Variants in BRAF observed in about 807,000 individuals in gnomAD.
BRAF encodes the protein serine/threonine-protein kinase B-raf.
In BRAF, 16 loss-of-function variants were observed where a neutral mutation model predicts 104.6. The observed-to-expected ratio is 0.15, with a 90% CI of 0.10 to 0.23. The LOEUF is 0.23. BRAF is among the 10% of genes least tolerant of loss of function. BRAF has a pLI of 1.00. For synonymous variants in BRAF, 310 were observed against 341.6 expected, an observed-to-expected ratio of 0.91 and a Z score of 1.02; for missense variants, 541 against 937.3, an observed-to-expected ratio of 0.58 and a Z score of 5.52.
At chr7:140,834,262 T>G in intron 3 of BRAF, 1 of 401,106 alleles carries the variant, frequency 2.5e-6, no homozygotes, top group Non-Finnish European at 4.5e-6. Flanking sequence ...AGAAAGGAGA[T>G]TTCTCAAGGG....
At chr7:140,908,158 T>C (rs1187151989) in intron 1 of BRAF, among the ~76,000 whole-genome samples, 1 of 152,216 alleles carries the variant, frequency 6.6e-6, no homozygotes. Flanking sequence ...ATTTTATAGA[T>C]CTGTTTCTGC....
chr7:140,883,490 T>C (rs1048378868), intron 1 of BRAF, among the ~76,000 whole-genome samples: 8 of 152,258 alleles, frequency 5.3e-5, no homozygotes, highest in African/African-American at 1.9e-4. Flanking sequence ...TGTGAGGCAC[T>C]GCTGTAGTGC....
chr7:140,910,275 T>C (rs1816819950), intron 1 of BRAF, among the ~76,000 whole-genome samples: 1 of 152,238 alleles, frequency 6.6e-6, no homozygotes, highest in African/African-American at 2.4e-5. Flanking sequence ...TTGCAAATTC[T>C]ATTCCCACTG....
intron 19 of BRAF, among the ~76,000 whole-genome samples, chr7:140,727,332 C>T (rs1052886964): frequency 1.8e-4 from 27 of 151,602 alleles, no homozygotes; most frequent in Admixed American, 1.1e-3. Context: ...TACAGGCATC[C>T]GCCACCAGGC....
chr7:140,724,741 T>C lies in BRAF; in HGVS notation c.*1753A>G, dbSNP rs1030766978. On this transcript the variant is annotated 3_prime_UTR_variant, in exon 20 of 20. Transcript: ENST00000644969. Reference sequence around the variant, plus strand: ...CAATTTCTAATTCCTTGATTTATTCTGGGTCTTGTTTAATTTCTTTCAAGT... The same window carrying C: ...CAATTTCTAATTCCTTGATTTATTCCGGGTCTTGTTTAATTTCTTTCAAGT... The C allele has an allele frequency of 5.8e-6, 6 of 1,033,952 alleles. No homozygotes were observed. The African/African-American group carries it at 1.0e-4, about 17-fold the overall frequency. 64.0% of individuals were successfully genotyped at this position (1,033,952 alleles called of 1,614,324 possible). A position where few individuals can be genotyped will look rare whatever the true frequency, so the allele number is the denominator to read the frequency against.
intron 2 of BRAF, among the ~76,000 whole-genome samples, chr7:140,847,627 G>C (rs537342340): frequency 6.6e-6 from 1 of 151,744 alleles, no homozygotes; most frequent in Non-Finnish European, 1.5e-5. Flanking sequence ...CCAAGGCCTA[G>C]AGCAGTACAA....
chr7:140,895,806 C>T (rs939457347), intron 1 of BRAF, among the ~76,000 whole-genome samples: 9 of 152,196 alleles, frequency 5.9e-5, no homozygotes, highest in Non-Finnish European at 1.0e-4. Context: ...TATACAACCA[C>T]ATTGTCTTTA....
At chr7:140,739,431 G>A (rs2130895554) in intron 18 of BRAF, among the ~76,000 whole-genome samples, 1 of 147,932 alleles carries the variant, frequency 6.8e-6, no homozygotes, top group East Asian at 2.0e-4. Flanking sequence ...TTAACATATT[G>A]GTTTACTATG....
At chr7:140,741,114 A>G (rs772535390) in intron 17 of BRAF, 4 of 152,188 alleles carry the variant, frequency 2.6e-5, no homozygotes, top group Admixed American at 1.3e-4. Flanking sequence ...CTATAGTCAT[A>G]TATTATGGAC....
chr7:140,785,726 T>C lies in BRAF; in HGVS notation c.1260A>G (p.Glu420=). The change falls in exon 10 of 20, where the codon GAA becomes GAG. Residue 420 remains glutamate, a synonymous_variant. Transcript: ENST00000644969. ...GGCCAGGCTCAAAATCAAACACTAT[T>C]TCACTGGGGACAGAATGTAGGAGGG... ...PSPLLHSVPS[E]IVFDFEPGPV... The C allele has an allele frequency of 2.5e-6, 1 of 399,052 alleles. No homozygotes were observed. Among genetic ancestry groups the C allele is most frequent in the Non-Finnish European group, 4.4e-6 (1 of 226,106 alleles). 24.7% of individuals were successfully genotyped at this position (399,052 alleles called of 1,614,324 possible). A position where few individuals can be genotyped will look rare whatever the true frequency, so the allele number is the denominator to read the frequency against.
intron 9 of BRAF, among the ~76,000 whole-genome samples, chr7:140,786,132 G>A (rs906487430): frequency 8.5e-5 from 13 of 152,178 alleles, no homozygotes; most frequent in African/African-American, 2.9e-4. Flanking sequence ...TAAGACATAC[G>A]AAAGTCAAAC....
chr7:140,851,097 C>A (rs1809111420), intron 1 of BRAF, among the ~76,000 whole-genome samples: 1 of 152,086 alleles, frequency 6.6e-6, no homozygotes, highest in Non-Finnish European at 1.5e-5. Context: ...AGGCTCCAAG[C>A]CTTACCCATC....
chr7:140,779,547 A>T (rs1379280745), intron 12 of BRAF, among the ~76,000 whole-genome samples: 2 of 152,214 alleles, frequency 1.3e-5, no homozygotes, highest in Non-Finnish European at 2.9e-5. Context: ...AAACATATGA[A>T]ATCCTCCAAT....
chr7:140,738,505 G>T (rs1796629993), intron 18 of BRAF, among the ~76,000 whole-genome samples: 5 of 152,102 alleles, frequency 3.3e-5, no homozygotes, highest in African/African-American at 1.2e-4. Context: ...GATTCATCAA[G>T]GCATATTTAT....
chr7:140,886,673 C>T (rs1024798715), intron 1 of BRAF, among the ~76,000 whole-genome samples: 4 of 152,140 alleles, frequency 2.6e-5, no homozygotes, highest in Non-Finnish European at 5.9e-5. Flanking sequence ...TCCTCATCAC[C>T]CTTCTTCCCA....
Position 140,916,900 on chromosome 7 carries a change from A to G in BRAF, c.138+7666T>C, listed in dbSNP as rs374980383. 7.9e-5 allele frequency among the ~76,000 whole-genome samples: 12 copies of G among 152,356 alleles called. 1 individual carries two copies. In the East Asian group the frequency reaches 1.2e-3, roughly 15 times the overall value. On this transcript the variant is annotated intron_variant, in intron 1 of 19. Transcript: ENST00000644969. ...GACCTACCTGATTTTAAATTTAACT[A>G]TAAAGCTATCATAACTAAGGTAGTG... is the stretch of plus-strand genomic sequence containing the variant.
chr7:140,867,476 T>C (rs1446832478), intron 1 of BRAF, among the ~76,000 whole-genome samples: 1 of 151,750 alleles, frequency 6.6e-6, no homozygotes, highest in African/African-American at 2.4e-5. Context: ...GTAATTAAAC[T>C]AAAGTCCCTG....
chr7:140,811,009 A>C lies in BRAF; in HGVS notation c.505-2014T>G, dbSNP rs540686455. Among the ~76,000 whole-genome samples the C allele has an allele frequency of 2.0e-5, 3 of 152,332 alleles. No homozygotes were observed. The East Asian group carries it at 5.8e-4, about 29-fold the overall frequency. On this transcript the variant is annotated intron_variant, in intron 3 of 19. Coordinates refer to ENST00000644969, the MANE Select transcript of BRAF (RefSeq NM_001374258.1). ...CACGTGCTGTTTAGGGCTGGTAAGCATAAGAAGGCTATAATGTCCCTGGCA... is the reference window on the plus strand; with the variant it reads ...CACGTGCTGTTTAGGGCTGGTAAGCCTAAGAAGGCTATAATGTCCCTGGCA...
chr7:140,874,205 T>TA (rs1491119216), intron 1 of BRAF, among the ~76,000 whole-genome samples: 3 of 101,422 alleles, frequency 3.0e-5, no homozygotes, highest in Non-Finnish European at 5.5e-5. Context: ...TTTTACATAC[T>TA]TTTTTTTTTT....
Sources: allele counts gnomAD v4.1 joint callset (sites outside exome capture counted in the v4.1 genomes callset), GRCh38; gene constraint gnomAD v4.1.1; transcripts MANE v1.5; gene names NCBI Gene and HGNC (gene_info 2026-07-23, HGNC 2026-07-21).